Variants in ERC1 observed in about 807,000 individuals in gnomAD.
The protein encoded by ERC1 is RAB6 interacting protein 2.
A neutral mutation model predicts 132.0 loss-of-function variants in ERC1; 56 were observed. The observed-to-expected ratio is 0.42, with a 90% CI of 0.34 to 0.53. The LOEUF (loss-of-function observed/expected upper bound fraction) is 0.53. ERC1 is among the 20% of genes least tolerant of loss of function. The pLI is 0.03. For missense variants in ERC1, 1,202 were observed against 1,349.9 expected (o/e 0.89, Z 1.72); for synonymous variants, 478 against 476.1 (o/e 1.00, Z -0.05).
intron 14 of ERC1, among the ~76,000 whole-genome samples, chr12:1,269,335 C>T (rs532108981): frequency 3.9e-5 from 6 of 152,174 alleles, no homozygotes; most frequent in African/African-American, 9.7e-5. Flanking sequence ...TCTGTGAAAG[C>T]GGCTTTGTCC....
chr12:1,233,924 A>G (rs1035728089), intron 12 of ERC1, among the ~76,000 whole-genome samples: 1 of 152,168 alleles, frequency 6.6e-6, no homozygotes, highest in African/African-American at 2.4e-5. Context: ...AATATGGACT[A>G]TATATTATAC....
chr12:1,121,895 A>G (rs1445943393), intron 7 of ERC1, among the ~76,000 whole-genome samples: 1 of 9,514 alleles, frequency 1.1e-4, no homozygotes, highest in African/African-American at 2.0e-4. Flanking sequence ...CTCTATCTCT[A>G]TCTCTATCTC....
chr12:1,025,289 AAC>A (rs1326228155), intron 1 of ERC1, among the ~76,000 whole-genome samples: 2 of 152,170 alleles, frequency 1.3e-5, no homozygotes, highest in African/African-American at 4.8e-5. Flanking sequence ...TCCCCTTTAT[AAC>A]ACAAGTTTCC....
intron 12 of ERC1, among the ~76,000 whole-genome samples, chr12:1,229,098 C>T (rs2074828079): frequency 6.6e-6 from 1 of 152,136 alleles, no homozygotes; most frequent in Non-Finnish European, 1.5e-5. Context: ...CTAGCTTGTG[C>T]TTAAGTGTTT....
chr12:1,008,218 T>C (rs143321128), intron 1 of ERC1, among the ~76,000 whole-genome samples: 2 of 152,316 alleles, frequency 1.3e-5, no homozygotes, highest in East Asian at 3.9e-4. Context: ...AGAGAGATGG[T>C]GATGTCATTC....
At chr12:1,341,091 T>C (rs2083828039) in intron 15 of ERC1, among the ~76,000 whole-genome samples, 2 of 85,580 alleles carry the variant, frequency 2.3e-5, no homozygotes, top group African/African-American at 9.2e-5. Flanking sequence ...TTTTTTTTTT[T>C]TTTTTTTTTT....
At chr12:1,146,307 G>GTTTTTTTTT (rs1346178811) in intron 8 of ERC1, among the ~76,000 whole-genome samples, 3 of 59,366 alleles carry the variant, frequency 5.1e-5, no homozygotes, top group Non-Finnish European at 9.3e-5. Context: ...GTATTTTACT[G>GTTTTTTTTT]GTTTTTTTTT....
chr12:1,116,000 T>C lies in ERC1; in HGVS notation c.1536T>C (p.Ala512=), dbSNP rs747998878. The change falls in exon 7 of 19, where the codon GCT becomes GCC. Residue 512 remains alanine, a synonymous_variant. Coordinates refer to ENST00000360905, the MANE Select transcript of ERC1 (RefSeq NM_178040.4). ...AAGTGTTGAAGGAGTCCTTGACTGC[T>C]AAGGAGCAGAGGGCTGCCATCCTGC... ...HIEVLKESLT[A]KEQRAAILQT... The C allele has an allele frequency of 6.2e-7, 1 of 1,613,964 alleles. No individual in the cohort carries two copies. Among genetic ancestry groups the C allele is most frequent in the Admixed American group, 1.7e-5 (1 of 60,000 alleles).
chr12:1,052,746 G>A (rs905439244), intron 2 of ERC1, among the ~76,000 whole-genome samples: 2 of 152,150 alleles, frequency 1.3e-5, no homozygotes, highest in Non-Finnish European at 2.9e-5. Flanking sequence ...GAGGAGGGCG[G>A]ATCACCTGAG....
chr12:1,137,517 A>G (rs1949375143), intron 7 of ERC1, among the ~76,000 whole-genome samples: 1 of 152,026 alleles, frequency 6.6e-6, no homozygotes, highest in Non-Finnish European at 1.5e-5. Context: ...ACAGTGCTAA[A>G]TGTTTTAAGT....
rs1360180798 is a variant in ERC1 at position 1,308,229 on chromosome 12, T to TTAC, written c.2780+18219_2780+18220insCTA. ...ACTATTGTTATTATTATTATTATTA[T>TTAC]TATTTGCATGAATGGTAGCAGTTAC... On this transcript the variant is annotated intron_variant, in intron 15 of 18. Transcript: ENST00000360905. Among the ~76,000 whole-genome samples the TTAC allele has an allele frequency of 3.3e-5, 5 of 151,902 alleles. No individual in the cohort carries two copies. The South Asian group carries it at 8.3e-4, about 25-fold the overall frequency.
chr12:1,146,256 T>G (rs1395239178), intron 8 of ERC1, among the ~76,000 whole-genome samples: 1 of 151,630 alleles, frequency 6.6e-6, no homozygotes, highest in African/African-American at 2.4e-5. Context: ...TTCAGCAGTT[T>G]TGTAGTTTTC....
Position 1,263,022 on chromosome 12 carries a change from A to T in ERC1, c.2488-12A>T. 1 of 1,613,384 alleles carries T rather than the reference A, an allele frequency of 6.2e-7. No homozygotes were observed. The highest frequency in any genetic ancestry group is 8.5e-7 in the Non-Finnish European group (1 of 1,179,674). On this transcript the variant is annotated splice_polypyrimidine_tract_variant and intron_variant, in intron 13 of 18. Coordinates refer to ENST00000360905, the MANE Select transcript of ERC1 (RefSeq NM_178040.4). The stretch of plus-strand genomic sequence containing the variant: ...ATTAATCCACTTCACCTAGTCTTCC[A>T]TCATTTTCTAGGACAGTCTCCGTAA...
rs1967300187 is a variant in ERC1, at chr12:1,028,531, A to G, written c.628A>G (p.Ile210Val). The change falls in exon 2 of 19, where the codon ATT (isoleucine) becomes GTT (valine). Residue 210 changes from isoleucine to valine, a missense_variant. Transcript: ENST00000360905. ...LRKDEASKIT[I>V]WKEQYRVVQE... is the part of the protein sequence containing the mutation. The stretch of plus-strand genomic sequence containing the variant: ...AAAAGATGAAGCTTCCAAAATCACC[A>G]TTTGGAAGGAACAGTACAGAGTTGT... 2 of 1,614,040 alleles carry G rather than the reference A, an allele frequency of 1.2e-6. No individual in the cohort carries two copies. The highest frequency in any genetic ancestry group is 8.5e-7 in the Non-Finnish European group (1 of 1,180,012).
At chr12:1,050,346 T>C (rs559139680) in intron 2 of ERC1, among the ~76,000 whole-genome samples, 1 of 152,156 alleles carries the variant, frequency 6.6e-6, no homozygotes, top group Non-Finnish European at 1.5e-5. Flanking sequence ...AATGAGAGGT[T>C]CCCTTTTACA....
chr12:1,477,601 G>C (rs1204837512), intron 18 of ERC1, among the ~76,000 whole-genome samples: 1 of 152,138 alleles, frequency 6.6e-6, no homozygotes, highest in Admixed American at 6.5e-5. Context: ...GATAATCCTT[G>C]GGGGTCCTTG....
At chr12:1,224,840 A>C (rs1417565202) in intron 12 of ERC1, among the ~76,000 whole-genome samples, 1 of 151,610 alleles carries the variant, frequency 6.6e-6, no homozygotes, top group African/African-American at 2.4e-5. Context: ...GCAATAACAA[A>C]ATTAGCCAGG....
intron 16 of ERC1, among the ~76,000 whole-genome samples, chr12:1,394,045 C>CAAAA (rs2090268872): frequency 1.7e-5 from 1 of 57,868 alleles, no homozygotes; most frequent in African/African-American, 5.8e-5. Flanking sequence ...AAAAAAAAAA[C>CAAAA]CACAAAGCAT....
chr12:1,059,189 C>T lies in ERC1; in HGVS notation c.670-23975C>T, dbSNP rs1446535258. On this transcript the variant is annotated intron_variant, in intron 2 of 18. Transcript: ENST00000360905. ...TGATTTTTATATGTTGATTTTTTAT[C>T]CTGCAACTTTAGTGAATTTGTTTAT... 2.6e-5 allele frequency among the ~76,000 whole-genome samples: 4 copies of T among 152,192 alleles called. No homozygotes were observed. In the East Asian group the frequency reaches 7.7e-4, roughly 29 times the overall value.
Sources: allele counts gnomAD v4.1 joint callset (sites outside exome capture counted in the v4.1 genomes callset), GRCh38; gene constraint gnomAD v4.1.1; transcripts MANE v1.5; gene names NCBI Gene and HGNC (gene_info 2026-07-23, HGNC 2026-07-21).